RC3H2: variants seen among roughly 807,000 people sequenced by gnomAD.
The protein encoded by RC3H2 is ring finger and CCCH-type domains 2.
RC3H2 carries 31 observed loss-of-function variants against 133.3 expected under a neutral mutation model. The observed-to-expected ratio is 0.23, with a 90% confidence interval of 0.17 to 0.31. The LOEUF (loss-of-function observed/expected upper bound fraction) is 0.31, where lower values mean the gene tolerates loss of function less well. RC3H2 is among the 10% of genes least tolerant of loss of function. The probability of loss-of-function intolerance (pLI) is 1.00; values close to 1 mark genes in which losing one functional copy is unlikely to be tolerated. For missense variants in RC3H2, 1,175 were observed against 1,437.2 expected, an observed-to-expected ratio of 0.82 and a Z score of 2.95; for synonymous variants, 517 against 502.2, an observed-to-expected ratio of 1.03 and a Z score of -0.40.
At chr9:122,864,488 G>C (rs965153123) in intron 10 of RC3H2, among the ~76,000 whole-genome samples, 14 of 152,190 alleles carry the variant, frequency 9.2e-5, no homozygotes, top group Admixed American at 3.3e-4. Context: ...ATATGAAGTT[G>C]ACACCATTAT....
intron 18 of RC3H2, among the ~76,000 whole-genome samples, chr9:122,851,961 G>A (rs1830041392): frequency 6.9e-6 from 1 of 143,898 alleles, no homozygotes; most frequent in South Asian, 2.2e-4. Context: ...GCCGCCCATC[G>A]TCTGGGATGT....
At chr9:122,901,950 A>G in intron 1 of RC3H2, among the ~76,000 whole-genome samples, 1 of 124,950 alleles carries the variant, frequency 8.0e-6, no homozygotes, top group Non-Finnish European at 1.6e-5. Context: ...TTTTTTTGAG[A>G]CGGAGTTTCG....
Position 122,849,398 on chromosome 9 carries a change from C to G in RC3H2, c.*229G>C, listed in dbSNP as rs1197348342. ...AGTTAAATGTTGTCCAAATTCCAAT[C>G]ATTTCTGGAAAGTGAACATGTTACC... On this transcript the variant is annotated 3_prime_UTR_variant, in exon 21 of 21. Coordinates refer to ENST00000357244, the MANE Select transcript of RC3H2 (RefSeq NM_001100588.3). 1 of 157,234 alleles carries G rather than the reference C, an allele frequency of 6.4e-6. No individual in the cohort carries two copies. The highest frequency in any genetic ancestry group is 1.4e-5 in the Non-Finnish European group (1 of 72,318). The allele number at this position is 157,234 out of a possible 1,614,324, so 9.7% of individuals were successfully genotyped here.
chr9:122,852,055 C>T (rs1321272608), intron 18 of RC3H2, among the ~76,000 whole-genome samples: 7 of 150,772 alleles, frequency 4.6e-5, no homozygotes, highest in Non-Finnish European at 7.4e-5. Flanking sequence ...AAGTGAGGAG[C>T]GCCTCTTCCC....
At position 122,877,382 on chromosome 9, in the gene RC3H2, G is replaced by A. The variant is rs927787520; in HGVS notation, c.1325+89C>T. Reference sequence around the variant, plus strand: ...TGCCCAGCCCTTAACTTGCATTTTTGAAAGTCATCACAAACTTCAGGACTG... The same window carrying A: ...TGCCCAGCCCTTAACTTGCATTTTTAAAAGTCATCACAAACTTCAGGACTG... On this transcript the variant is annotated intron_variant, in intron 9 of 20. Coordinates refer to ENST00000357244, the MANE Select transcript of RC3H2 (RefSeq NM_001100588.3). 8.7e-6 allele frequency: 9 copies of A among 1,033,158 alleles called. No homozygotes were observed. In the Admixed American group the frequency reaches 1.8e-4, roughly 20 times the overall value. The allele number at this position is 1,033,158 out of a possible 1,614,324, so 64.0% of individuals were successfully genotyped here.
At chr9:122,861,572 T>C (rs1318926500) in intron 10 of RC3H2, among the ~76,000 whole-genome samples, 2 of 152,136 alleles carry the variant, frequency 1.3e-5, no homozygotes, top group African/African-American at 2.4e-5. Flanking sequence ...TAGCTATATT[T>C]ATTTTGCTGA....
chr9:122,901,859 G>A (rs1281579500), intron 1 of RC3H2, among the ~76,000 whole-genome samples: 1 of 151,438 alleles, frequency 6.6e-6, no homozygotes, highest in Non-Finnish European at 1.5e-5. Flanking sequence ...AAAGTCCTGG[G>A]ATTACAGGCA....
Position 122,854,412 on chromosome 9 carries a change from TGTTATATA to T in RC3H2, c.2900+111_2900+118del, listed in dbSNP as rs1330787634. On this transcript the variant is annotated intron_variant, in intron 16 of 20. Coordinates refer to ENST00000357244, the MANE Select transcript of RC3H2 (RefSeq NM_001100588.3). ...TAAATGCAAATATTTTTCAGAAATT[TGTTATATA>T]GCTCAGACAACAAGCAAAGCACATT... 3.4e-6 allele frequency: 4 copies of T among 1,162,998 alleles called. No homozygotes were observed. The Admixed American group carries it at 6.3e-5, about 18-fold the overall frequency. The allele number at this position is 1,162,998 out of a possible 1,614,324, so 72.0% of individuals were successfully genotyped here.
chr9:122,851,500 C>T, intron 18 of RC3H2, 64 bp from the exon 19 acceptor site: 1 of 1,560,588 alleles, frequency 6.4e-7, no homozygotes, highest in Non-Finnish European at 8.7e-7. Context: ...TCCCTCTCCC[C>T]ATGGTCTCCC....
At chr9:122,872,846 A>G (rs1303231782) in intron 9 of RC3H2, among the ~76,000 whole-genome samples, 1 of 152,134 alleles carries the variant, frequency 6.6e-6, no homozygotes, top group Non-Finnish European at 1.5e-5. Flanking sequence ...TTGGCCTCCC[A>G]AAGTGCTGGG....
rs769066511 is a variant in RC3H2, at chr9:122,855,215, T to G, written c.2784A>C (p.Gln928His). 6.2e-7 allele frequency: 1 copy of G among 1,614,120 alleles called. No homozygotes were observed. Among genetic ancestry groups the G allele is most frequent in the Non-Finnish European group, 8.5e-7 (1 of 1,180,018 alleles). The change falls in exon 15 of 21, where the codon CAA becomes CAC. Residue 928 changes from glutamine to histidine, a missense_variant. Transcript: ENST00000357244. ...CACTGATGGGCTTAGTCGCACTTCC[T>G]TGGGAAGCAGTGGCCTGGACAGGAT... ...TTDPVQATAS[Q>H]GSATKPISVS...
chr9:122,884,063 G>A (rs1449860511), intron 4 of RC3H2, among the ~76,000 whole-genome samples: 1 of 152,272 alleles, frequency 6.6e-6, no homozygotes, highest in East Asian at 1.9e-4. Flanking sequence ...GGGAGGCCAA[G>A]GCGGGCGGAT....
intron 18 of RC3H2, among the ~76,000 whole-genome samples, chr9:122,851,743 C>T (rs924642414): frequency 5.3e-5 from 8 of 152,252 alleles, no homozygotes; most frequent in African/African-American, 1.4e-4. Context: ...GAGTGATCTG[C>T]CAGCCTCGGC....
intron 18 of RC3H2, 117 bp downstream of exon 18, chr9:122,853,835 A>C: frequency 6.3e-7 from 1 of 1,575,888 alleles, no homozygotes; most frequent in South Asian, 1.1e-5. Context: ...TTTTAAAAGC[A>C]ATCAATCATC....
chr9:122,857,184 GTA>G (rs1830281731), intron 13 of RC3H2, among the ~76,000 whole-genome samples: 1 of 152,042 alleles, frequency 6.6e-6, no homozygotes, highest in East Asian at 1.9e-4. Context: ...CTCTATACTT[GTA>G]TATGTTTGAA....
At position 122,860,587 on chromosome 9, in the gene RC3H2, G is replaced by GT. The variant is rs1446237503; in HGVS notation, c.1635-457dup. On this transcript the variant is annotated intron_variant, in intron 10 of 20. Transcript: ENST00000357244. ...TGCCACCACACTCGGCTAATTTTTA[G>GT]TTTTTTTGTAGAGACGGGGTCTAGA... Among the ~76,000 whole-genome samples, 4 of 151,584 alleles carry GT rather than the reference G, an allele frequency of 2.6e-5. 1 individual carries two copies. The highest frequency in any genetic ancestry group is 4.2e-4 in the South Asian group (2 of 4,800).
chr9:122,898,012 A>C (rs1832492671), intron 1 of RC3H2: 1 of 153,628 alleles, frequency 6.5e-6, no homozygotes, highest in Non-Finnish European at 1.4e-5. Flanking sequence ...GGAGTTAATG[A>C]ACTTTGGAAA....
At chr9:122,889,724 T>C (rs1832078174) in intron 4 of RC3H2, among the ~76,000 whole-genome samples, 1 of 152,256 alleles carries the variant, frequency 6.6e-6, no homozygotes, top group African/African-American at 2.4e-5. Flanking sequence ...GCCTCTAACT[T>C]GGTTTTCTAA....
chr9:122,865,669 A>T lies in RC3H2; in HGVS notation c.1326-12T>A. 6.2e-7 allele frequency: 1 copy of T among 1,600,774 alleles called. No homozygotes were observed. The highest frequency in any genetic ancestry group is 8.5e-7 in the Non-Finnish European group (1 of 1,174,366). ...TCCTTAATCGATACCTGTTTCAAAA[A>T]CAATCAACAGATTGGTGAATATTTC... On this transcript the variant is annotated splice_polypyrimidine_tract_variant and intron_variant, in intron 9 of 20. Transcript: ENST00000357244.
Sources: gnomAD v4.1 joint callset for allele counts (sites outside exome capture counted in the v4.1 genomes callset) on GRCh38, gnomAD v4.1.1 for gene constraint, MANE v1.5 for transcripts, NCBI Gene and HGNC (gene_info 2026-07-23, HGNC 2026-07-21) for gene names.